MACROD2: variants seen among roughly 807,000 people sequenced by gnomAD.
MACROD2 encodes the protein mono-ADP ribosylhydrolase 2.
A neutral mutation model predicts 70.4 loss-of-function variants in MACROD2; 36 were observed. That is an observed-to-expected ratio of 0.51 (90% CI 0.39 to 0.68). The LOEUF is 0.68. Ranked by LOEUF, MACROD2 falls within the 30% of genes least tolerant of loss-of-function variation. The pLI, the probability that MACROD2 is intolerant of heterozygous loss-of-function variation, is 0.00. For synonymous variants in MACROD2, 172 were observed against 178.8 expected, an observed-to-expected ratio of 0.96 and a Z score of 0.30; for missense variants, 496 against 538.4, an observed-to-expected ratio of 0.92 and a Z score of 0.78.
At chr20:15,157,830 G>C (rs538490130) in intron 5 of MACROD2, among the ~76,000 whole-genome samples, 2 of 152,158 alleles carry the variant, frequency 1.3e-5, no homozygotes, top group East Asian at 3.9e-4. Flanking sequence ...CTCTTCAGAA[G>C]TAGCCCTCTT....
At chr20:15,580,209 C>A (rs1463368571) in intron 8 of MACROD2, among the ~76,000 whole-genome samples, 1 of 152,196 alleles carries the variant, frequency 6.6e-6, no homozygotes, top group Non-Finnish European at 1.5e-5. Flanking sequence ...TTTCCCATCA[C>A]CAAATTTGCC....
intron 3 of MACROD2, among the ~76,000 whole-genome samples, chr20:14,412,788 C>T (rs76935327): frequency 0.019 from 2,836 of 152,274 alleles, 117 homozygotes; most frequent in African/African-American, 0.066. Context: ...CATCAAACCT[C>T]TAAGTCTGTG....
intron 4 of MACROD2, among the ~76,000 whole-genome samples, chr20:14,676,104 C>T (rs955978127): frequency 2.0e-5 from 3 of 152,098 alleles, no homozygotes; most frequent in African/African-American, 7.2e-5. Context: ...TAGTGGGAGA[C>T]TTTAACACCC....
In MACROD2 at chr20:15,471,354, T is replaced by C. The variant is rs75509684; in HGVS notation, c.572-28420T>C. Among the ~76,000 whole-genome samples, 393 of 152,318 alleles carry C rather than the reference T, an allele frequency of 2.6e-3. 1 individual carries two copies. The highest frequency in any genetic ancestry group is 9.0e-3 in the African/African-American group (375 of 41,558). On this transcript the variant is annotated intron_variant, in intron 7 of 17. Coordinates refer to ENST00000684519, the MANE Select transcript of MACROD2 (RefSeq NM_001351661.2). ...AGTGTTCCCTGCTCCACTCAAGGAATGGCAGTTCAGGAAAGAGTACTCATT... is the reference window on the plus strand; with the variant it reads ...AGTGTTCCCTGCTCCACTCAAGGAACGGCAGTTCAGGAAAGAGTACTCATT...
In MACROD2 at chr20:14,326,935, G is replaced by A; in HGVS notation, c.272-166544G>A. 8 of 1,613,798 alleles carry A rather than the reference G, an allele frequency of 5.0e-6. No homozygotes were observed. The highest frequency in any genetic ancestry group is 5.9e-6 in the Non-Finnish European group (7 of 1,179,802). On this transcript the variant is annotated intron_variant, in intron 3 of 17. Coordinates refer to ENST00000684519, the MANE Select transcript of MACROD2 (RefSeq NM_001351661.2). This position sits in a 1 kb window ranked among gnomAD's most constrained non-coding sequence, Gnocchi z 5.5. ...AGTGAGACCTTGAAGAGATGGTGAT[G>A]AAATAGTGGATATGCGATTATCATC...
intron 5 of MACROD2, among the ~76,000 whole-genome samples, chr20:15,203,827 AT>A (rs1323357840): frequency 6.6e-6 from 1 of 152,108 alleles, no homozygotes; most frequent in Non-Finnish European, 1.5e-5. Flanking sequence ...ACTTTTAAAA[AT>A]CCTATGTTAA....
intron 3 of MACROD2, among the ~76,000 whole-genome samples, chr20:14,137,282 TA>T (rs1242998688): frequency 1.3e-5 from 2 of 152,194 alleles, no homozygotes; most frequent in Non-Finnish European, 2.9e-5. Flanking sequence ...AAGAGTAAGC[TA>T]GAGATAAGAA....
At chr20:15,808,839 AG>A (rs2063792748) in intron 8 of MACROD2, among the ~76,000 whole-genome samples, 1 of 152,192 alleles carries the variant, frequency 6.6e-6, no homozygotes, top group Non-Finnish European at 1.5e-5. Flanking sequence ...TGGCTTGGGT[AG>A]AAGAATTAGT....
At chr20:14,957,854 T>A (rs1305033212) in intron 5 of MACROD2, among the ~76,000 whole-genome samples, 1 of 151,750 alleles carries the variant, frequency 6.6e-6, no homozygotes, top group Non-Finnish European at 1.5e-5. Flanking sequence ...TGTAATTTTA[T>A]TGTACTATGC....
chr20:14,422,854 G>C (rs1600223319), intron 3 of MACROD2, among the ~76,000 whole-genome samples: 1 of 152,258 alleles, frequency 6.6e-6, no homozygotes, highest in East Asian at 1.9e-4. Flanking sequence ...ACCTTTACCT[G>C]AGACCTTTAT....
chr20:15,077,458 T>C (rs1601036245), intron 5 of MACROD2, among the ~76,000 whole-genome samples: 1 of 152,202 alleles, frequency 6.6e-6, no homozygotes, highest in African/African-American at 2.4e-5. Flanking sequence ...AGATAATATA[T>C]GTGAAAGCGT....
At chr20:15,080,958 C>T (rs2075698844) in intron 5 of MACROD2, among the ~76,000 whole-genome samples, 1 of 152,020 alleles carries the variant, frequency 6.6e-6, no homozygotes, top group Non-Finnish European at 1.5e-5. Flanking sequence ...GTAAATCTTG[C>T]TTACTCTACC....
intron 8 of MACROD2, among the ~76,000 whole-genome samples, chr20:15,603,014 A>C (rs1001105): frequency 0.052 from 7,885 of 151,894 alleles, 250 homozygotes; most frequent in Middle Eastern, 0.16. Context: ...TGTGGGTGTG[A>C]GTGAGGGCAT....
At chr20:14,606,708 T>G (rs1008219983) in intron 4 of MACROD2, among the ~76,000 whole-genome samples, 1 of 152,174 alleles carries the variant, frequency 6.6e-6, no homozygotes, top group African/African-American at 2.4e-5. Flanking sequence ...ACTCCTAAGA[T>G]TAAAATTTTT....
At chr20:14,447,105 A>G (rs1384883373) in intron 3 of MACROD2, among the ~76,000 whole-genome samples, 4 of 151,876 alleles carry the variant, frequency 2.6e-5, no homozygotes, top group Admixed American at 6.6e-5. Context: ...TGCAACCTCC[A>G]CCTCCCGAGT....
At chr20:14,598,230 C>A (rs968981696) in intron 4 of MACROD2, among the ~76,000 whole-genome samples, 4 of 152,122 alleles carry the variant, frequency 2.6e-5, no homozygotes, top group African/African-American at 9.7e-5. Flanking sequence ...TAGGCATGTG[C>A]AAGTTTCCCT....
intron 5 of MACROD2, chr20:14,935,246 G>T (rs543512896): frequency 6.6e-6 from 1 of 152,070 alleles, no homozygotes; most frequent in African/African-American, 2.4e-5. Context: ...ACCTTAGAAA[G>T]ATTCTAAATG....
chr20:14,065,173 TC>T (rs2053741197), intron 2 of MACROD2, among the ~76,000 whole-genome samples: 1 of 152,150 alleles, frequency 6.6e-6, no homozygotes, highest in Non-Finnish European at 1.5e-5. Context: ...AGACTTCCAT[TC>T]CTGTTCTGGC....
intron 7 of MACROD2, among the ~76,000 whole-genome samples, chr20:15,492,656 C>G (rs1304075067): frequency 6.6e-6 from 1 of 152,192 alleles, no homozygotes; most frequent in African/African-American, 2.4e-5. Flanking sequence ...ATACATCCTT[C>G]TCACTCAGGA....
Sources: allele counts gnomAD v4.1 joint callset (sites outside exome capture counted in the v4.1 genomes callset), GRCh38; gene constraint gnomAD v4.1.1; non-coding constraint Gnocchi (gnomAD v3.1); transcripts MANE v1.5; gene names NCBI Gene and HGNC (gene_info 2026-07-23, HGNC 2026-07-21).